The following FIBCD1 variants were observed in gnomAD, a reference collection of about 807,000 sequenced individuals.
FIBCD1 encodes fibrinogen C domain containing 1, also known as fibrinogen C domain-containing protein 1.
A neutral mutation model predicts 45.1 loss-of-function variants in FIBCD1; 47 were observed. That is an observed-to-expected ratio of 1.04 (90% CI 0.82 to 1.33). FIBCD1 has a LOEUF of 1.33. FIBCD1 is among the 40% of genes most tolerant of loss of function. The probability of loss-of-function intolerance (pLI) is 0.00; values close to 1 mark genes in which losing one functional copy is unlikely to be tolerated. For missense variants in FIBCD1, 653 were observed against 682.2 expected (o/e 0.96, Z 0.48); for synonymous variants, 313 against 308.1 (o/e 1.02, Z -0.17).
chr9:130,914,556 C>T (rs1832122760), intron 4 of FIBCD1, among the ~76,000 whole-genome samples: 1 of 152,208 alleles, frequency 6.6e-6, no homozygotes. Context: ...TGGGGAGACC[C>T]CAGCAGCCAG....
intron 4 of FIBCD1, among the ~76,000 whole-genome samples, chr9:130,916,901 C>T (rs1832170484): frequency 6.6e-6 from 1 of 152,198 alleles, no homozygotes. Context: ...AGTTCGAGAC[C>T]AGTCTGGCTA....
chr9:130,906,663 G>A (rs10751510), intron 5 of FIBCD1, among the ~76,000 whole-genome samples: 81,416 of 152,142 alleles, frequency 0.54, 23,821 homozygotes, highest in African/African-American at 0.77. Flanking sequence ...CAGCTCGGCT[G>A]GCGCAGGGCT....
chr9:130,916,082 C>T (rs1263056276), intron 4 of FIBCD1, among the ~76,000 whole-genome samples: 1 of 152,202 alleles, frequency 6.6e-6, no homozygotes, highest in Non-Finnish European at 1.5e-5. Context: ...GCACCTGCCA[C>T]CATGCCCGGC....
rs1180314080 is a variant in FIBCD1, at chr9:130,902,985, C to T, written c.*1079G>A. 6.6e-6 allele frequency: 1 copy of T among 152,348 alleles called. No homozygotes were observed. 9.4% of individuals were successfully genotyped at this position (152,348 alleles called of 1,614,324 possible). On this transcript the variant is annotated 3_prime_UTR_variant, in exon 7 of 7. Coordinates refer to ENST00000372338, the MANE Select transcript of FIBCD1 (RefSeq NM_032843.5). ...GGTGAGGTGGTCCCTGTCCCTTGACCACTCGCCGGGCCGGGCCTGGCCTGG... is the reference window on the plus strand; with the variant it reads ...GGTGAGGTGGTCCCTGTCCCTTGACTACTCGCCGGGCCGGGCCTGGCCTGG...
Position 130,911,908 on chromosome 9 carries a change from ATGGGGCGT to A in FIBCD1, c.850-28_850-21del. 3 of 1,556,438 alleles carry A rather than the reference ATGGGGCGT, an allele frequency of 1.9e-6. No individual in the cohort carries two copies. Among genetic ancestry groups the A allele is most frequent in the Non-Finnish European group, 2.6e-6 (3 of 1,150,816 alleles). On this transcript the variant is annotated intron_variant, in intron 4 of 6. Coordinates refer to ENST00000372338, the MANE Select transcript of FIBCD1 (RefSeq NM_032843.5). ...AAACACCTGCAAAGGGAAGATGGGGATGGGGCGTTGGCACCGACCATCCCAGGACTCGC... is the reference window on the plus strand; with the variant it reads ...AAACACCTGCAAAGGGAAGATGGGGATGGCACCGACCATCCCAGGACTCGC...
Position 130,908,824 on chromosome 9 carries a change from T to C in FIBCD1, c.946+2968A>G, listed in dbSNP as rs1257502573. On this transcript the variant is annotated intron_variant, in intron 5 of 6. Transcript: ENST00000372338. ...CCCCTGGGCACCAGGGCACGGCAGG[T>C]CAGAGAGGGCCCTGCTCTCATGGGC... Among the ~76,000 whole-genome samples, 5 of 151,980 alleles carry C rather than the reference T, an allele frequency of 3.3e-5. No homozygotes were observed. In the East Asian group the frequency reaches 5.8e-4, roughly 18 times the overall value.
chr9:130,911,453 C>T (rs932243321), intron 5 of FIBCD1, among the ~76,000 whole-genome samples: 1 of 152,212 alleles, frequency 6.6e-6, no homozygotes, highest in Non-Finnish European at 1.5e-5. Flanking sequence ...CTCCTGCTGC[C>T]TGGGATGCTG....
intron 1 of FIBCD1, among the ~76,000 whole-genome samples, chr9:130,931,178 C>T (rs1588113304): frequency 6.6e-6 from 1 of 152,178 alleles, no homozygotes; most frequent in Non-Finnish European, 1.5e-5. Flanking sequence ...GGGGCTGAGG[C>T]AACAGGTGGC....
rs1588101849 is a variant in FIBCD1 at position 130,905,485 on chromosome 9, A to G, written c.947-72T>C. The stretch of plus-strand genomic sequence containing the variant: ...GCGACTCCCCAGGGAGAAATGATAA[A>G]TGACAGCTGAGCTCATGCAGTTGGG... On this transcript the variant is annotated intron_variant, in intron 5 of 6. Transcript: ENST00000372338. The G allele has an allele frequency of 4.8e-6, 7 of 1,463,874 alleles. No individual in the cohort carries two copies. The East Asian group carries it at 1.7e-4, about 35-fold the overall frequency. 90.7% of individuals were successfully genotyped at this position (1,463,874 alleles called of 1,614,324 possible). A position where few individuals can be genotyped will look rare whatever the true frequency, so the allele number is the denominator to read the frequency against.
rs532052495 is a variant in FIBCD1, at chr9:130,911,299, G to A, written c.946+493C>T. Among the ~76,000 whole-genome samples, 4 of 141,716 alleles carry A rather than the reference G, an allele frequency of 2.8e-5. No individual in the cohort carries two copies. In the South Asian group the frequency reaches 9.0e-4, roughly 32 times the overall value. The allele number at this position is 141,716 out of a possible 152,430, so 93.0% of individuals were successfully genotyped here. On this transcript the variant is annotated intron_variant, in intron 5 of 6. Coordinates refer to ENST00000372338, the MANE Select transcript of FIBCD1 (RefSeq NM_032843.5). ...TTAAGAGCTATAACACTCACCACGA[G>A]GGTCTGCAGCTTCATTCTTGAAATC...
chr9:130,939,681 C>G (rs996850095), upstream of FIBCD1, among the ~76,000 whole-genome samples: 1 of 152,018 alleles, frequency 6.6e-6, no homozygotes, highest in Non-Finnish European at 1.5e-5. Flanking sequence ...GCCCGCGCTC[C>G]CCGGCGCGCC....
chr9:130,930,426 G>A (rs1175792095), intron 1 of FIBCD1, among the ~76,000 whole-genome samples: 2 of 148,564 alleles, frequency 1.3e-5, no homozygotes, highest in Admixed American at 6.7e-5. Flanking sequence ...GGGGAGACAC[G>A]GGGAGACATG....
chr9:130,921,991 G>A (rs1332689380), intron 4 of FIBCD1, among the ~76,000 whole-genome samples: 2 of 152,202 alleles, frequency 1.3e-5, no homozygotes, highest in Non-Finnish European at 2.9e-5. Flanking sequence ...CCGGCCGCCT[G>A]TGCGGGCCTC....
chr9:130,911,764 T>C, intron 5 of FIBCD1, 28 bp downstream of exon 5: 1 of 1,574,632 alleles, frequency 6.4e-7, no homozygotes, highest in Non-Finnish European at 8.6e-7. Flanking sequence ...GAGGCCCACC[T>C]GGGCCGGATG....
chr9:130,912,425 G>C (rs561850145), intron 4 of FIBCD1, among the ~76,000 whole-genome samples: 1 of 151,066 alleles, frequency 6.6e-6, no homozygotes, highest in African/African-American at 2.4e-5. Flanking sequence ...AAGTGGGGTG[G>C]GCCGGGCACG....
Position 130,924,266 on chromosome 9 carries a change from C to CG in FIBCD1, c.682dup (p.Arg228ProfsTer47). The CG allele has an allele frequency of 6.3e-7, 1 of 1,599,126 alleles. No homozygotes were observed. Among genetic ancestry groups the CG allele is most frequent in the Non-Finnish European group, 8.5e-7 (1 of 1,174,462 alleles). ...GGCACAGCCCCGGGGCCGGGTTCCC[C>CG]GGGCAGGCGCTCTCTGAAGGTCGGC... is the stretch of plus-strand genomic sequence containing the variant. On this transcript the variant is annotated frameshift_variant, in exon 3 of 7. Coordinates refer to ENST00000372338, the MANE Select transcript of FIBCD1 (RefSeq NM_032843.5). LOFTEE classifies it high-confidence loss of function.
At chr9:130,917,073 G>A (rs1046878571) in intron 4 of FIBCD1, among the ~76,000 whole-genome samples, 1 of 152,092 alleles carries the variant, frequency 6.6e-6, no homozygotes, top group East Asian at 1.9e-4. Context: ...ACTCCAGCCT[G>A]GGCAACAGAG....
intron 4 of FIBCD1, among the ~76,000 whole-genome samples, chr9:130,921,539 C>T (rs1832261161): frequency 6.6e-6 from 1 of 152,228 alleles, no homozygotes; most frequent in South Asian, 2.1e-4. Flanking sequence ...ATTTCCTCAT[C>T]GACTCCCCTC....
chr9:130,917,302 T>A (rs1031190678), intron 4 of FIBCD1, among the ~76,000 whole-genome samples: 1 of 151,162 alleles, frequency 6.6e-6, no homozygotes, highest in Non-Finnish European at 1.5e-5. Flanking sequence ...AGACAGAGAG[T>A]GTTTTCTTGG....
Sources: gnomAD v4.1 joint callset for allele counts (sites outside exome capture counted in the v4.1 genomes callset) on GRCh38, gnomAD v4.1.1 for gene constraint, MANE v1.5 for transcripts, NCBI Gene and HGNC (gene_info 2026-07-23, HGNC 2026-07-21) for gene names.